Variants in MTSS2 observed in about 807,000 individuals in gnomAD.
The protein encoded by MTSS2 is protein MTSS 2.
Under a neutral mutation model 67.1 loss-of-function variants are expected in MTSS2, and 27 were observed. That is an observed-to-expected ratio of 0.40 (90% CI 0.30 to 0.55). The LOEUF (loss-of-function observed/expected upper bound fraction) is 0.55, where lower values mean the gene tolerates loss of function less well. Among genes scored for constraint, MTSS2 ranks in the 20% least tolerant of loss-of-function variants. The pLI is 0.43. For missense variants in MTSS2, 1,171 were observed against 1,067.8 expected (o/e 1.10, Z -1.35); for synonymous variants, 624 against 468.6 (o/e 1.33, Z -4.28).
chr16:70,676,357 C>T (rs2053116432), intron 10 of MTSS2, among the ~76,000 whole-genome samples: 1 of 152,242 alleles, frequency 6.6e-6, no homozygotes, highest in Admixed American at 6.5e-5. Flanking sequence ...CAGCTGCCTC[C>T]ATGGGAACCA....
In MTSS2 at chr16:70,679,732, A is replaced by T. The variant is rs200991126; in HGVS notation, c.383-28T>A. 6,745 of 1,610,486 alleles carry T rather than the reference A, an allele frequency of 4.2e-3. 21 individuals carry two copies. Among genetic ancestry groups the T allele is most frequent in the Non-Finnish European group, 5.1e-3 (5,981 of 1,178,484 alleles). On this transcript the variant is annotated intron_variant, in intron 5 of 14. Coordinates refer to ENST00000338779, the MANE Select transcript of MTSS2 (RefSeq NM_138383.3). ...GCAGAAGGGGAGAGCGGAGCGCTCTAATGGGGTCCCTGCGGAGTGGGGGGT... is the reference window on the plus strand; with the variant it reads ...GCAGAAGGGGAGAGCGGAGCGCTCTTATGGGGTCCCTGCGGAGTGGGGGGT...
In MTSS2 at chr16:70,664,713, C is replaced by A; in HGVS notation, c.1356G>T (p.Thr452=). 6.2e-7 allele frequency: 1 copy of A among 1,613,170 alleles called. No homozygotes were observed. The highest frequency in any genetic ancestry group is 8.5e-7 in the Non-Finnish European group (1 of 1,179,822). The part of the protein sequence containing the change: ...PAASDLAMVL[T]RGLSLEHQKS... ...TCTGGTGCTCCAGGCTCAGGCCCCG[C>A]GTCAGCACCATGGCCAGGTCACTGG... Residue 452 remains threonine, a synonymous_variant, in exon 14 of 15, where the codon ACG becomes ACT. Transcript: ENST00000338779.
intron 1 of MTSS2, 26 bp downstream of exon 1, chr16:70,685,697 G>A (rs769880910): frequency 3.1e-6 from 4 of 1,277,546 alleles, no homozygotes; most frequent in Non-Finnish European, 3.0e-6. Flanking sequence ...GTCGCCGCGC[G>A]CCCGGCCCCG....
Position 70,679,297 on chromosome 16 carries a change from G to C in MTSS2, c.466+18C>G, listed in dbSNP as rs758308191. On this transcript the variant is annotated intron_variant, in intron 7 of 14. Transcript: ENST00000338779. ...CAAGGACGGGAGGAGCAGCTGGAGG[G>C]ACCGACATTTGACTTACCAAGTAGC... The C allele has an allele frequency of 1.2e-6, 2 of 1,613,830 alleles. No homozygotes were observed. Among genetic ancestry groups the C allele is most frequent in the African/African-American group, 1.3e-5 (1 of 75,048 alleles).
chr16:70,671,810 A>T (rs973143227), intron 11 of MTSS2, among the ~76,000 whole-genome samples: 9 of 152,246 alleles, frequency 5.9e-5, no homozygotes, highest in African/African-American at 2.2e-4. Flanking sequence ...CGACGCAGTG[A>T]CATTGTGCAG....
chr16:70,674,257 A>C (rs1206741942), intron 11 of MTSS2, 49 bp downstream of exon 11: 1 of 1,567,312 alleles, frequency 6.4e-7, no homozygotes, highest in Non-Finnish European at 8.7e-7. Context: ...TGATGCTGGC[A>C]TAAGGCTGCT....
At chr16:70,683,110 C>T (rs982181861) in intron 1 of MTSS2, among the ~76,000 whole-genome samples, 1 of 152,310 alleles carries the variant, frequency 6.6e-6, no homozygotes, top group South Asian at 2.1e-4. Flanking sequence ...TCATTAGAGG[C>T]GCCCAAGTGG....
At position 70,661,591 on chromosome 16, in the gene MTSS2, C is replaced by T. The variant is rs1413386983; in HGVS notation, c.*2086G>A. Reference sequence around the variant, plus strand: ...GTGATGTGGGATGGTTGGCTCGGATCCCGAGGTGGGTGGGCCTATGAGGTG... The same window carrying T: ...GTGATGTGGGATGGTTGGCTCGGATTCCGAGGTGGGTGGGCCTATGAGGTG... On this transcript the variant is annotated 3_prime_UTR_variant, in exon 15 of 15. Transcript: ENST00000338779. The T allele has an allele frequency of 2.8e-6, 1 of 351,284 alleles. No individual in the cohort carries two copies. Among genetic ancestry groups the T allele is most frequent in the African/African-American group, 2.2e-5 (1 of 46,432 alleles). The allele number at this position is 351,284 out of a possible 1,614,324, so 21.8% of individuals were successfully genotyped here. A position where few individuals can be genotyped will look rare whatever the true frequency, so the allele number is the denominator to read the frequency against.
At chr16:70,680,402 G>T (rs1258725466) in intron 3 of MTSS2, among the ~76,000 whole-genome samples, 3 of 152,206 alleles carry the variant, frequency 2.0e-5, no homozygotes, top group Non-Finnish European at 1.5e-5. Flanking sequence ...AGGAGCGGGA[G>T]CCCCAGGTCT....
chr16:70,678,366 G>A lies in MTSS2; in HGVS notation c.510C>T (p.Asp170=), dbSNP rs749915838. Residue 170 remains aspartate (D), a synonymous_variant, in exon 8 of 15, where the codon GAC becomes GAT. Coordinates refer to ENST00000338779, the MANE Select transcript of MTSS2 (RefSeq NM_138383.3). ...CCAGCAGCAGGTACATGTCGTTGAC[G>A]TCCTGCAGGGCACTGTCCAGCTGGG... ...LQPQLDSALQ[D]VNDMYLLLEE... is the part of the protein sequence containing the mutation. The A allele has an allele frequency of 1.9e-5, 31 of 1,612,804 alleles. No homozygotes were observed. In the Admixed American group the frequency reaches 2.8e-4, roughly 15 times the overall value.
At chr16:70,679,510 G>A (rs2053228244) in intron 6 of MTSS2, 120 bp downstream of exon 6, 6 of 1,270,280 alleles carry the variant, frequency 4.7e-6, no homozygotes, top group Non-Finnish European at 6.5e-6. Flanking sequence ...AGGTTGGAGG[G>A]TCCTGTGTCG....
At chr16:70,679,529 G>T in intron 6 of MTSS2, 101 bp downstream of exon 6, 1 of 1,343,588 alleles carries the variant, frequency 7.4e-7, no homozygotes, top group East Asian at 2.5e-5. Flanking sequence ...CGGGGACAGC[G>T]CCCCTCTGGC....
At chr16:70,685,058 G>A (rs972422500) in intron 1 of MTSS2, among the ~76,000 whole-genome samples, 1 of 152,126 alleles carries the variant, frequency 6.6e-6, no homozygotes, top group Non-Finnish European at 1.5e-5. Context: ...GTGGTAATGG[G>A]GTAGGAAAAG....
Position 70,663,828 on chromosome 16 carries a change from G to T in MTSS2, c.2093C>A (p.Ala698Asp). The change falls in exon 15 of 15, where the codon GCT becomes GAT. Residue 698 changes from alanine to aspartate, a missense_variant. This residue lies in a region of MTSS2 where 924 missense variants were observed against 756.0 expected (regional missense o/e 1.22). Coordinates refer to ENST00000338779, the MANE Select transcript of MTSS2 (RefSeq NM_138383.3). Reference sequence around the variant, plus strand: ...CTCCTCCGTGGGGGTGGCCGACAGAGCAGTGGGGAAGGGGAACTGGCCCTC... The same window carrying T: ...CTCCTCCGTGGGGGTGGCCGACAGATCAGTGGGGAAGGGGAACTGGCCCTC... ...LGEGQFPFPT[A>D]LSATPTEETP... The T allele has an allele frequency of 6.5e-7, 1 of 1,537,946 alleles. No homozygotes were observed. Among genetic ancestry groups the T allele is most frequent in the South Asian group, 1.2e-5 (1 of 83,374 alleles).
Position 70,661,270 on chromosome 16 carries a change from A to T in MTSS2, c.*2407T>A, listed in dbSNP as rs1489331988. The T allele has an allele frequency of 8.8e-6, 4 of 455,334 alleles. No individual in the cohort carries two copies. The Admixed American group carries it at 9.4e-5, about 11-fold the overall frequency. 28.2% of individuals were successfully genotyped at this position (455,334 alleles called of 1,614,324 possible). On this transcript the variant is annotated 3_prime_UTR_variant, in exon 15 of 15. Coordinates refer to ENST00000338779, the MANE Select transcript of MTSS2 (RefSeq NM_138383.3). ...AGTGCATCTGTTACTTGTAGCAGTG[A>T]CTATATTTAAATCGGGGAGGATGGT...
intron 7 of MTSS2, among the ~76,000 whole-genome samples, chr16:70,678,649 G>A (rs2053198481): frequency 6.6e-6 from 1 of 152,246 alleles, no homozygotes; most frequent in Admixed American, 6.5e-5. Context: ...AAGCCACGCT[G>A]GATTGGGGCA....
Position 70,663,782 on chromosome 16 carries a change from G to C in MTSS2, c.2139C>G (p.Ala713=). The C allele has an allele frequency of 1.3e-6, 2 of 1,520,314 alleles. No individual in the cohort carries two copies. The highest frequency in any genetic ancestry group is 1.8e-6 in the Non-Finnish European group (2 of 1,135,662). 94.2% of individuals were successfully genotyped at this position (1,520,314 alleles called of 1,614,324 possible). A position where few individuals can be genotyped will look rare whatever the true frequency, so the allele number is the denominator to read the frequency against. Residue 713 remains alanine, a synonymous_variant, in exon 15 of 15, where the codon GCC becomes GCG. Coordinates refer to ENST00000338779, the MANE Select transcript of MTSS2 (RefSeq NM_138383.3). ...PTEETPTPPP[A]ATSDPPAEDM... ...CTTCGGCCGGGGGGTCGCTGGTGGCGGCTGGGGGTGGGGTGGGCGTCTCCT... is the reference window on the plus strand; with the variant it reads ...CTTCGGCCGGGGGGTCGCTGGTGGCCGCTGGGGGTGGGGTGGGCGTCTCCT...
chr16:70,676,109 G>A (rs897495028), intron 10 of MTSS2, among the ~76,000 whole-genome samples: 1 of 152,246 alleles, frequency 6.6e-6, no homozygotes, highest in Non-Finnish European at 1.5e-5. Flanking sequence ...TCCAGCCAGT[G>A]ATTCTGGGGA....
Position 70,662,248 on chromosome 16 carries a change from G to C in MTSS2, c.*1429C>G, listed in dbSNP as rs1172762058. The C allele has an allele frequency of 6.6e-6, 1 of 152,354 alleles. No homozygotes were observed. The highest frequency in any genetic ancestry group is 1.5e-5 in the Non-Finnish European group (1 of 68,204). 9.4% of individuals were successfully genotyped at this position (152,354 alleles called of 1,614,324 possible). ...GCTCCTGACCCCCAGGTAGGACCCT[G>C]CCCTGGGGCCACGATGCCCTCTGAG... On this transcript the variant is annotated 3_prime_UTR_variant, in exon 15 of 15. Coordinates refer to ENST00000338779, the MANE Select transcript of MTSS2 (RefSeq NM_138383.3).
Sources: gnomAD v4.1 joint callset for allele counts (sites outside exome capture counted in the v4.1 genomes callset) on GRCh38, gnomAD v4.1.1 for gene constraint, gnomAD v4.1.1 regional missense constraint, MANE v1.5 for transcripts, NCBI Gene and HGNC (gene_info 2026-07-23, HGNC 2026-07-21) for gene names.